ZNF804B: variants seen among roughly 807,000 people sequenced by gnomAD.
ZNF804B encodes the protein zinc finger protein 804B.
In ZNF804B, 80 loss-of-function variants were observed where a neutral mutation model predicts 101.4. The ratio of observed to expected loss-of-function variants is 0.79; its 90% confidence interval spans 0.66 to 0.95. ZNF804B has a LOEUF of 0.95. ZNF804B is among the 40% of genes least tolerant of loss of function. The pLI, the probability that ZNF804B is intolerant of heterozygous loss-of-function variation, is 0.00. For synonymous variants in ZNF804B, 622 were observed against 558.8 expected (o/e 1.11, Z -1.59); for missense variants, 1,673 against 1,561.9 (o/e 1.07, Z -1.20).
At chr7:89,065,461 T>C (rs1438458820) in intron 1 of ZNF804B, among the ~76,000 whole-genome samples, 1 of 152,144 alleles carries the variant, frequency 6.6e-6, no homozygotes, top group African/African-American at 2.4e-5. Flanking sequence ...GATGATGCAA[T>C]AAAGCTTAGG....
intron 1 of ZNF804B, among the ~76,000 whole-genome samples, chr7:89,201,287 A>AT (rs1028097656): frequency 8.5e-5 from 13 of 152,120 alleles, no homozygotes; most frequent in East Asian, 5.8e-4. Flanking sequence ...CAGAATTAGG[A>AT]TTTTTTATAG....
chr7:89,078,403 C>T (rs1789644152), intron 1 of ZNF804B, among the ~76,000 whole-genome samples: 1 of 152,002 alleles, frequency 6.6e-6, no homozygotes, highest in African/African-American at 2.4e-5. Context: ...TTGATGCAGC[C>T]TCTAAAGACC....
At chr7:89,179,218 G>A (rs1242079460) in intron 1 of ZNF804B, among the ~76,000 whole-genome samples, 1 of 152,116 alleles carries the variant, frequency 6.6e-6, no homozygotes, top group Non-Finnish European at 1.5e-5. Context: ...GGTTTGAGAA[G>A]TTCTCTGTTA....
intron 1 of ZNF804B, among the ~76,000 whole-genome samples, chr7:88,918,251 A>C (rs541826427): frequency 2.0e-5 from 3 of 152,258 alleles, no homozygotes; most frequent in African/African-American, 7.2e-5. Context: ...ATCCGTTGGC[A>C]TGTGCTCTTT....
intron 1 of ZNF804B, among the ~76,000 whole-genome samples, chr7:89,003,429 A>G (rs1788318461): frequency 6.6e-6 from 1 of 152,080 alleles, no homozygotes; most frequent in Non-Finnish European, 1.5e-5. Flanking sequence ...TGTGATCTGG[A>G]ACTTGCCCAA....
At chr7:89,289,589 G>T (rs556963372) in intron 2 of ZNF804B, among the ~76,000 whole-genome samples, 56 of 152,220 alleles carry the variant, frequency 3.7e-4, no homozygotes, top group African/African-American at 1.2e-3. Context: ...ATTAAGCTCA[G>T]TGCTGCCCTG....
chr7:89,261,828 G>A (rs561540844), intron 2 of ZNF804B, among the ~76,000 whole-genome samples: 2 of 152,234 alleles, frequency 1.3e-5, no homozygotes, highest in East Asian at 3.9e-4. Context: ...GACCATTGTT[G>A]TACATGCAGT....
intron 1 of ZNF804B, among the ~76,000 whole-genome samples, chr7:88,915,389 C>T (rs1433629761): frequency 2.0e-5 from 3 of 151,904 alleles, no homozygotes; most frequent in African/African-American, 7.2e-5. Context: ...AAAATGCTCT[C>T]ACAAAATATT....
At chr7:88,760,289 T>A (rs1435421165) in intron 1 of ZNF804B, among the ~76,000 whole-genome samples, 1 of 152,250 alleles carries the variant, frequency 6.6e-6, no homozygotes, top group Non-Finnish European at 1.5e-5. Context: ...TATTTACATG[T>A]GTATTTTCAA....
chr7:88,795,353 TA>T (rs76094001), intron 1 of ZNF804B, among the ~76,000 whole-genome samples: 9,118 of 151,758 alleles, frequency 0.06, 523 homozygotes, highest in East Asian at 0.27. Flanking sequence ...CTATAACTTT[TA>T]AAAAAAAATC....
At chr7:89,298,795 A>G (rs734392) in intron 2 of ZNF804B, among the ~76,000 whole-genome samples, 74,131 of 151,562 alleles carry the variant, frequency 0.49, 18,608 homozygotes, top group Middle Eastern at 0.65. Context: ...TATATGTTCA[A>G]TTTTACTAAA....
At chr7:89,330,679 A>C (rs1053621187) in intron 3 of ZNF804B, among the ~76,000 whole-genome samples, 1 of 151,548 alleles carries the variant, frequency 6.6e-6, no homozygotes, top group Admixed American at 6.6e-5. Context: ...TAAAGAATAA[A>C]AGTAAGAAGT....
At chr7:89,123,914 C>T (rs543111162) in intron 1 of ZNF804B, among the ~76,000 whole-genome samples, 6 of 152,174 alleles carry the variant, frequency 3.9e-5, no homozygotes, top group Admixed American at 2.6e-4. Flanking sequence ...CCCAAATATA[C>T]GATGTGGCAA....
At chr7:89,219,954 TATATGTGTGCATATATATGTATATAC>T (rs1390201091) in intron 2 of ZNF804B, among the ~76,000 whole-genome samples, 1 of 140,154 alleles carries the variant, frequency 7.1e-6, no homozygotes, top group African/African-American at 2.7e-5. Context: ...TGTATATACA[TATATGTGTGCATATATATGTATATAC>T]ATATGTGTGC....
chr7:89,144,368 AATTTGATCTT>A (rs1488027331), intron 1 of ZNF804B, among the ~76,000 whole-genome samples: 1 of 152,050 alleles, frequency 6.6e-6, no homozygotes, highest in Admixed American at 6.6e-5. Flanking sequence ...TCTAGCATGG[AATTTGATCTT>A]ATTCTGCTCT....
At chr7:89,137,113 T>C (rs1317316478) in intron 1 of ZNF804B, among the ~76,000 whole-genome samples, 1 of 151,988 alleles carries the variant, frequency 6.6e-6, no homozygotes, top group South Asian at 2.1e-4. Context: ...GAAAACAGAC[T>C]AATACAATAA....
In ZNF804B at chr7:88,766,920, T is replaced by C. The variant is rs905157386; in HGVS notation, c.108+6836T>C. On this transcript the variant is annotated intron_variant, in intron 1 of 3. Coordinates refer to ENST00000333190, the MANE Select transcript of ZNF804B (RefSeq NM_181646.5). The stretch of plus-strand genomic sequence containing the variant: ...CAGTTTTCTTTTTTTCTTTGACAAT[T>C]GGCAATTTCCTTTTGGCAAATTTTA... Among the ~76,000 whole-genome samples, 42 of 152,324 alleles carry C rather than the reference T, an allele frequency of 2.8e-4. 1 individual carries two copies. The highest frequency in any genetic ancestry group is 3.4e-3 in the Middle Eastern group (1 of 294).
intron 2 of ZNF804B, among the ~76,000 whole-genome samples, chr7:89,272,062 A>AT (rs1421492693): frequency 1.3e-5 from 2 of 151,880 alleles, no homozygotes; most frequent in Non-Finnish European, 2.9e-5. Flanking sequence ...AATTATTCTC[A>AT]TTTTTTCTCA....
intron 1 of ZNF804B, among the ~76,000 whole-genome samples, chr7:89,066,601 A>T (rs537222200): frequency 2.9e-4 from 44 of 152,224 alleles, no homozygotes; most frequent in African/African-American, 6.7e-4. Flanking sequence ...GACTTTTTTT[A>T]AAAAAATTGT....
Sources: allele counts gnomAD v4.1 joint callset (sites outside exome capture counted in the v4.1 genomes callset), GRCh38; gene constraint gnomAD v4.1.1; transcripts MANE v1.5; gene names NCBI Gene and HGNC (gene_info 2026-07-23, HGNC 2026-07-21).